The following HVCN1 variants were observed in gnomAD, a reference collection of about 807,000 sequenced individuals.
HVCN1 encodes hydrogen voltage gated channel 1.
A neutral mutation model predicts 29.2 loss-of-function variants in HVCN1; 14 were observed. The observed-to-expected ratio is 0.48, with a 90% CI of 0.32 to 0.75. The LOEUF (loss-of-function observed/expected upper bound fraction) is 0.75. HVCN1 is among the 30% of genes least tolerant of loss of function. The pLI is 0.04. For synonymous variants in HVCN1, 131 were observed against 133.2 expected (o/e 0.98, Z 0.11); for missense variants, 263 against 341.8 (o/e 0.77, Z 1.82).
intron 4 of HVCN1, among the ~76,000 whole-genome samples, chr12:110,657,725 A>G (rs962208807): frequency 2.6e-5 from 4 of 152,236 alleles, no homozygotes; most frequent in Admixed American, 6.5e-5. Context: ...CCCAGCCTCT[A>G]TGAAAACTCA....
chr12:110,700,030 T>C (rs1377534299), intron 2 of HVCN1, among the ~76,000 whole-genome samples: 1 of 152,142 alleles, frequency 6.6e-6, no homozygotes, highest in East Asian at 1.9e-4. Flanking sequence ...CGAACAAGAT[T>C]GGGACCATAG....
intron 4 of HVCN1, among the ~76,000 whole-genome samples, chr12:110,657,860 T>G (rs2068040578): frequency 1.3e-5 from 2 of 152,222 alleles, no homozygotes; most frequent in Admixed American, 1.3e-4. Flanking sequence ...TGGCAAAGAC[T>G]GCAGAGTCCG....
Position 110,650,235 on chromosome 12 carries a change from C to G in HVCN1, c.689G>C (p.Arg230Thr), listed in dbSNP as rs2067738747. Residue 230 changes from arginine (R) to threonine (T), a missense_variant, in exon 7 of 8, where the codon AGG becomes ACG. Physicochemically the swap from Arg to Thr is moderately conservative, Grantham distance 71 (BLOSUM62 -1). Transcript: ENST00000242607. ...CAATTGTACATTCATCTGTTTTAAC[C>G]TTAAGAGTTGCCGTTCTGAACGTGT... Reference protein sequence around the residue: ...VKTRSERQLLRLKQMNVQLAA... With the variant: ...VKTRSERQLLTLKQMNVQLAA... 1 of 1,613,560 alleles carries G rather than the reference C, an allele frequency of 6.2e-7. No homozygotes were observed. The highest frequency in any genetic ancestry group is 8.5e-7 in the Non-Finnish European group (1 of 1,179,562).
chr12:110,666,105 T>C (rs901759959), intron 3 of HVCN1, among the ~76,000 whole-genome samples: 7 of 151,546 alleles, frequency 4.6e-5, no homozygotes, highest in Non-Finnish European at 1.0e-4. Context: ...GCTTAACAGC[T>C]GATAACATAT....
In HVCN1 at chr12:110,651,678, T is replaced by G. The variant is rs548842557; in HGVS notation, c.412-230A>C. On this transcript the variant is annotated intron_variant, in intron 5 of 7. Coordinates refer to ENST00000242607, the MANE Select transcript of HVCN1 (RefSeq NM_032369.4). ...CCTCTAGACCCTTTGGACCAGCAAT[T>G]CCATGGCTAAGAACTTACCCTACAG... is the stretch of plus-strand genomic sequence containing the variant. 4.6e-5 allele frequency among the ~76,000 whole-genome samples: 7 copies of G among 152,316 alleles called. No homozygotes were observed. The East Asian group carries it at 1.4e-3, about 29-fold the overall frequency.
At chr12:110,678,443 T>C (rs986378155) in intron 3 of HVCN1, among the ~76,000 whole-genome samples, 8 of 101,634 alleles carry the variant, frequency 7.9e-5, no homozygotes, top group South Asian at 3.5e-4. Flanking sequence ...CTATTTCTTT[T>C]TTTTTTTTTT....
At chr12:110,654,853 C>T (rs912889918) in intron 5 of HVCN1, among the ~76,000 whole-genome samples, 2 of 152,122 alleles carry the variant, frequency 1.3e-5, no homozygotes, top group Non-Finnish European at 2.9e-5. Flanking sequence ...TTTGGGTGAA[C>T]ATCTGGGATG....
chr12:110,683,231 G>C lies in HVCN1; in HGVS notation c.15C>G (p.Asp5Glu), dbSNP rs370561510. 1.8e-5 allele frequency: 29 copies of C among 1,612,038 alleles called. No homozygotes were observed. The South Asian group carries it at 3.1e-4, about 17-fold the overall frequency. Reference sequence around the variant, plus strand: ...AGACCACAGAATCCATTACCTTTTCGTCCCAGGTGGCCATGTCCCTGTTGC... The same window carrying C: ...AGACCACAGAATCCATTACCTTTTCCTCCCAGGTGGCCATGTCCCTGTTGC... MATW[D>E]EKAVTRRAKV... Residue 5 changes from aspartate (D) to glutamate (E), a missense_variant, in exon 3 of 8, where the codon GAC becomes GAG. Around this residue, in one of 3 missense-constraint regions of HVCN1, gnomAD observed 157 missense variants for 181.3 expected, o/e 0.87. Transcript: ENST00000242607.
At chr12:110,652,024 G>T (rs577363545) in intron 5 of HVCN1, among the ~76,000 whole-genome samples, 1 of 152,342 alleles carries the variant, frequency 6.6e-6, no homozygotes, top group South Asian at 2.1e-4. Flanking sequence ...ATGAATGAAT[G>T]AATGGAGGCA....
At chr12:110,688,759 G>C (rs1338240406) in intron 1 of HVCN1, 51 bp from the exon 2 acceptor site, 1 of 152,342 alleles carries the variant, frequency 6.6e-6, no homozygotes, top group South Asian at 2.1e-4. Flanking sequence ...CGCGGAGTGT[G>C]AAGAACTGAA....
intron 2 of HVCN1, among the ~76,000 whole-genome samples, chr12:110,684,284 G>A (rs532261591): frequency 8.2e-5 from 9 of 110,116 alleles, no homozygotes; most frequent in African/African-American, 2.9e-4. Context: ...GGTGAAGGCC[G>A]CACACTGTGA....
chr12:110,700,424 A>G (rs1270458796), intron 2 of HVCN1, among the ~76,000 whole-genome samples: 6 of 152,086 alleles, frequency 3.9e-5, no homozygotes, highest in East Asian at 3.9e-4. Context: ...CTGGGCTAGG[A>G]AAAGGGGAGA....
Position 110,661,547 on chromosome 12 carries a change from C to T in HVCN1, c.22-99G>A, listed in dbSNP as rs1325560383. The T allele has an allele frequency of 1.5e-5, 18 of 1,165,230 alleles. No homozygotes were observed. In the African/African-American group the frequency reaches 2.1e-4, roughly 14 times the overall value. The allele number at this position is 1,165,230 out of a possible 1,614,324, so 72.2% of individuals were successfully genotyped here. On this transcript the variant is annotated intron_variant, in intron 3 of 7. Transcript: ENST00000242607. The surrounding 1 kb of genome is among the most constrained non-coding windows in gnomAD (Gnocchi z 6.2). ...AGGCCACTGCAGGTGAAGATGGTCC[C>T]GGGTGCGTAGAACCCCCTGCAAGCA...
chr12:110,677,210 A>G (rs183757037), intron 3 of HVCN1, among the ~76,000 whole-genome samples: 2 of 151,950 alleles, frequency 1.3e-5, no homozygotes, highest in East Asian at 3.9e-4. Flanking sequence ...GTCTGTTAAA[A>G]AAAAAAAAGA....
intron 5 of HVCN1, among the ~76,000 whole-genome samples, chr12:110,654,533 C>T (rs902630801): frequency 1.4e-5 from 2 of 139,926 alleles, no homozygotes; most frequent in Admixed American, 7.9e-5. Context: ...GGCTGGAGTG[C>T]AGTGGCGCTA....
rs542080877 is a variant in HVCN1, at chr12:110,678,052, A to G, written c.21+5173T>C. On this transcript the variant is annotated intron_variant, in intron 3 of 7. Coordinates refer to ENST00000242607, the MANE Select transcript of HVCN1 (RefSeq NM_032369.4). ...ATTTAATATTTTCTGAGCTCTGTGC[A>G]AAGACCTTCATTAACATACTGTAAC... Among the ~76,000 whole-genome samples the G allele has an allele frequency of 2.6e-5, 4 of 152,374 alleles. No individual in the cohort carries two copies. The South Asian group carries it at 6.2e-4, about 24-fold the overall frequency.
At chr12:110,660,662 C>G (rs1351635781) in intron 4 of HVCN1, among the ~76,000 whole-genome samples, 1 of 152,234 alleles carries the variant, frequency 6.6e-6, no homozygotes, top group Non-Finnish European at 1.5e-5. Context: ...ACCATCACCA[C>G]TATAATTCCA....
chr12:110,704,475 C>A (rs1003134193), intron 1 of HVCN1, among the ~76,000 whole-genome samples: 3 of 151,664 alleles, frequency 2.0e-5, no homozygotes, highest in African/African-American at 7.3e-5. Context: ...CATAGCAAGA[C>A]CCTGTCTCTA....
Position 110,649,395 on chromosome 12 carries a change from G to A in HVCN1, c.*15C>T. 6.2e-7 allele frequency: 1 copy of A among 1,601,030 alleles called. No individual in the cohort carries two copies. The highest frequency in any genetic ancestry group is 8.5e-7 in the Non-Finnish European group (1 of 1,170,126). ...ATGAGACAGTGTCTTCTTTTTGAGG[G>A]GAGCTGGTCCGGGTCTAGTTCACTT... On this transcript the variant is annotated 3_prime_UTR_variant, in exon 8 of 8. Coordinates refer to ENST00000242607, the MANE Select transcript of HVCN1 (RefSeq NM_032369.4).
Sources: gnomAD v4.1 joint callset for allele counts (sites outside exome capture counted in the v4.1 genomes callset) on GRCh38, gnomAD v4.1.1 for gene constraint, gnomAD v4.1.1 regional missense constraint, Gnocchi (gnomAD v3.1) non-coding constraint, MANE v1.5 for transcripts, NCBI Gene and HGNC (gene_info 2026-07-23, HGNC 2026-07-21) for gene names.